The following SPATA31F1 variants were observed in gnomAD, a reference collection of about 807,000 sequenced individuals.
SPATA31F1 encodes the protein protein SPATA31F1.
chr9:34,728,736 AT>A, the SPATA31F1 span: 4 of 1,282,990 alleles, frequency 3.1e-6, no homozygotes, highest in Non-Finnish European at 4.4e-6. Context: ...ACTTACATAC[AT>A]TTTTCACTCG....
the SPATA31F1 span, among the ~76,000 whole-genome samples, chr9:34,728,813 A>G: frequency 2.6e-5 from 4 of 151,972 alleles, no homozygotes; most frequent in Non-Finnish European, 5.9e-5. Flanking sequence ...CCACCTTTTT[A>G]CCCCATTTTC....
chr9:34,728,971 G>A, the SPATA31F1 span, among the ~76,000 whole-genome samples: 41 of 152,176 alleles, frequency 2.7e-4, 1 homozygote, highest in South Asian at 8.1e-3. Context: ...ACAACCAAAG[G>A]ACTTCTGCTT....
the SPATA31F1 span, chr9:34,728,197 G>T: frequency 1.1e-6 from 1 of 882,760 alleles, no homozygotes; most frequent in Non-Finnish European, 1.7e-6. Flanking sequence ...ATCCTGAAAA[G>T]TCCGTACTCT....
At chr9:34,726,421 T>G in the SPATA31F1 span, 2 of 1,541,724 alleles carry the variant, frequency 1.3e-6, no homozygotes, top group East Asian at 2.4e-5. Context: ...GCAAGGCCAT[T>G]GGATGCATCC....
the SPATA31F1 span, chr9:34,723,291 G>C: frequency 6.4e-7 from 1 of 1,551,466 alleles, no homozygotes; most frequent in Non-Finnish European, 8.7e-7. Flanking sequence ...CGAGGGCAGT[G>C]GCGGGGGTAG....
At chr9:34,725,768 G>A in the SPATA31F1 span, 1 of 1,549,798 alleles carries the variant, frequency 6.5e-7, no homozygotes, top group African/African-American at 1.4e-5. Context: ...AAGTGGGGAA[G>A]AGGGTGGGGC....
At chr9:34,723,888 G>A in the SPATA31F1 span, 2 of 1,551,714 alleles carry the variant, frequency 1.3e-6, no homozygotes, top group South Asian at 2.4e-5. Flanking sequence ...AGCTTAAGCT[G>A]AGGGTGATGC....
At chr9:34,723,309 C>G in the SPATA31F1 span, 26 of 1,551,550 alleles carry the variant, frequency 1.7e-5, no homozygotes, top group Admixed American at 4.7e-4. Context: ...TAGCCCAGGG[C>G]TGAGGCAGAG....
the SPATA31F1 span, chr9:34,727,091 TG>T: frequency 6.8e-7 from 1 of 1,461,682 alleles, no homozygotes; most frequent in African/African-American, 1.4e-5. Context: ...CTGAAAACCC[TG>T]GGGCCTATAC....
chr9:34,725,261 G>A, the SPATA31F1 span: 1 of 1,377,088 alleles, frequency 7.3e-7, no homozygotes. Context: ...GATGGACACT[G>A]GGGCCGCAAT....
the SPATA31F1 span, chr9:34,726,602 A>C: frequency 6.4e-7 from 1 of 1,551,678 alleles, no homozygotes; most frequent in Non-Finnish European, 8.7e-7. Context: ...GCCCCGGAGC[A>C]CATCTGGCAC....
At chr9:34,725,863 A>G in the SPATA31F1 span, 3 of 1,551,848 alleles carry the variant, frequency 1.9e-6, no homozygotes, top group Non-Finnish European at 2.6e-6. Context: ...GCTTGGGCAC[A>G]TTTTCAATCT....
At chr9:34,728,085 G>A in the SPATA31F1 span, 1 of 1,551,836 alleles carries the variant, frequency 6.4e-7, no homozygotes, top group South Asian at 1.2e-5. Context: ...TCTCCTAGCT[G>A]AGGAACGGGG....
chr9:34,727,087 A>G, the SPATA31F1 span: 1 of 1,461,836 alleles, frequency 6.8e-7, no homozygotes. Flanking sequence ...AGTCCTGAAA[A>G]CCCTGGGGCC....
chr9:34,726,916 A>G, the SPATA31F1 span: 3 of 1,551,650 alleles, frequency 1.9e-6, no homozygotes, highest in Admixed American at 3.9e-5. Context: ...GAGCCACAGA[A>G]TTGCAGATTT....
chr9:34,726,726 G>C, the SPATA31F1 span: 2 of 1,551,740 alleles, frequency 1.3e-6, no homozygotes, highest in East Asian at 2.4e-5. Context: ...AATTGTGACA[G>C]TGTTGGGGTT....
At chr9:34,726,685 A>G in the SPATA31F1 span, 1 of 1,551,730 alleles carries the variant, frequency 6.4e-7, no homozygotes, top group Non-Finnish European at 8.7e-7. Context: ...TTGACTGGGC[A>G]GCTGACTGGG....
the SPATA31F1 span, chr9:34,726,437 A>G: frequency 6.4e-7 from 1 of 1,551,042 alleles, no homozygotes; most frequent in South Asian, 1.2e-5. Flanking sequence ...CATCCGGTTC[A>G]GGGTTTCTGG....
chr9:34,725,118 G>A, the SPATA31F1 span: 5 of 1,550,544 alleles, frequency 3.2e-6, no homozygotes, highest in Admixed American at 5.9e-5. Flanking sequence ...GCCACTGCCA[G>A]GACCCCAGAA....
Sources: allele counts gnomAD v4.1 joint callset (sites outside exome capture counted in the v4.1 genomes callset), GRCh38; gene constraint gnomAD v4.1.1; transcripts MANE v1.5; gene names NCBI Gene and HGNC (gene_info 2026-07-23, HGNC 2026-07-21).